AGBL4: variants seen among roughly 807,000 people sequenced by gnomAD.
AGBL4 encodes cytosolic carboxypeptidase 6.
A neutral mutation model predicts 66.4 loss-of-function variants in AGBL4; 58 were observed. The ratio of observed to expected loss-of-function variants is 0.87; its 90% CI spans 0.71 to 1.09. AGBL4 has a LOEUF of 1.09. AGBL4 is among the 50% of genes least tolerant of loss of function. AGBL4 has a pLI of 0.00. For missense variants in AGBL4, 579 were observed against 631.0 expected, an observed-to-expected ratio of 0.92 and a Z score of 0.88; for synonymous variants, 234 against 222.9, an observed-to-expected ratio of 1.05 and a Z score of -0.44.
intron 4 of AGBL4, among the ~76,000 whole-genome samples, chr1:49,233,103 T>C (rs887187618): frequency 2.0e-5 from 3 of 152,168 alleles, no homozygotes; most frequent in Non-Finnish European, 4.4e-5. Flanking sequence ...TGAGCATATC[T>C]CTGATTATTT....
Position 49,785,856 on chromosome 1 carries a change from CA to C in AGBL4, c.157+65539del, listed in dbSNP as rs1327948868. On this transcript the variant is annotated intron_variant, in intron 2 of 13. Transcript: ENST00000371839. ...CAGAATCACCAAAAATCAATATGCA[CA>C]ATTTCAGAGTACATGAGAAATCCCA... Among the ~76,000 whole-genome samples the C allele has an allele frequency of 2.1e-5, 3 of 143,142 alleles. No homozygotes were observed. The Admixed American group carries it at 2.1e-4, about 10-fold the overall frequency. 93.9% of individuals were successfully genotyped at this position (143,142 alleles called of 152,430 possible).
intron 4 of AGBL4, among the ~76,000 whole-genome samples, chr1:49,142,618 A>G (rs1646141116): frequency 6.6e-6 from 1 of 152,154 alleles, no homozygotes; most frequent in African/African-American, 2.4e-5. Flanking sequence ...CTTTTCTCCT[A>G]TGTCTATGTC....
chr1:49,501,979 CA>C (rs556394690), intron 3 of AGBL4, among the ~76,000 whole-genome samples: 189 of 152,260 alleles, frequency 1.2e-3, no homozygotes, highest in African/African-American at 4.4e-3. Context: ...AGATACTTGA[CA>C]TAATTTCAAT....
At chr1:49,067,892 G>T (rs1470759133) in intron 4 of AGBL4, among the ~76,000 whole-genome samples, 1 of 151,696 alleles carries the variant, frequency 6.6e-6, no homozygotes, top group East Asian at 2.0e-4. Context: ...TTCTCGTAAT[G>T]CTATCCCTCC....
chr1:48,972,102 TA>T (rs1318526816), intron 5 of AGBL4, among the ~76,000 whole-genome samples: 1 of 152,134 alleles, frequency 6.6e-6, no homozygotes, highest in Non-Finnish European at 1.5e-5. Context: ...TTCCTCATTT[TA>T]AAATAAACAG....
At chr1:49,546,181 C>A (rs1652466178) in intron 3 of AGBL4, among the ~76,000 whole-genome samples, 1 of 152,156 alleles carries the variant, frequency 6.6e-6, no homozygotes, top group African/African-American at 2.4e-5. Context: ...CCAATCTCAT[C>A]TAACCCAGGT....
intron 4 of AGBL4, among the ~76,000 whole-genome samples, chr1:49,087,866 C>T (rs758215912): frequency 1.3e-5 from 2 of 152,156 alleles, no homozygotes; most frequent in Non-Finnish European, 2.9e-5. Context: ...GAAAGGGAAC[C>T]TCACCAGGCT....
chr1:49,598,987 G>A (rs921773590), intron 3 of AGBL4, among the ~76,000 whole-genome samples: 13 of 152,136 alleles, frequency 8.5e-5, no homozygotes, highest in Non-Finnish European at 1.0e-4. Flanking sequence ...TGGATGTGCC[G>A]CTGGATTTGG....
At chr1:49,848,413 T>G (rs1467965062) in intron 2 of AGBL4, among the ~76,000 whole-genome samples, 2 of 152,200 alleles carry the variant, frequency 1.3e-5, no homozygotes, top group Non-Finnish European at 2.9e-5. Flanking sequence ...AGATGTGGAA[T>G]CAGCCTAAAT....
intron 3 of AGBL4, among the ~76,000 whole-genome samples, chr1:49,524,503 G>A (rs1339793027): frequency 6.6e-6 from 1 of 152,064 alleles, no homozygotes; most frequent in Non-Finnish European, 1.5e-5. Flanking sequence ...TAAAAGCCTG[G>A]TTAAAGATGT....
chr1:48,577,724 A>C (rs1185778126), intron 11 of AGBL4, among the ~76,000 whole-genome samples: 1 of 152,134 alleles, frequency 6.6e-6, no homozygotes, highest in Admixed American at 6.6e-5. Flanking sequence ...AGCATCCAGC[A>C]GAGCTGCAAC....
At chr1:49,224,177 C>T (rs1217625889) in intron 4 of AGBL4, among the ~76,000 whole-genome samples, 3 of 152,106 alleles carry the variant, frequency 2.0e-5, no homozygotes, top group East Asian at 1.9e-4. Flanking sequence ...TGCTTTCTTT[C>T]TCATTGGGAA....
intron 3 of AGBL4, among the ~76,000 whole-genome samples, chr1:49,535,760 C>T (rs562998832): frequency 3.9e-5 from 6 of 152,264 alleles, no homozygotes; most frequent in South Asian, 4.1e-4. Context: ...GGCGCGATCT[C>T]GGCTCACTGC....
chr1:49,949,197 A>T (rs1168862585), intron 1 of AGBL4, among the ~76,000 whole-genome samples: 2 of 151,230 alleles, frequency 1.3e-5, no homozygotes, highest in African/African-American at 4.8e-5. Context: ...ATCATCTCTC[A>T]TCTTATACAA....
chr1:49,443,094 A>C (rs1002636079), intron 3 of AGBL4, among the ~76,000 whole-genome samples: 6 of 152,110 alleles, frequency 3.9e-5, no homozygotes, highest in African/African-American at 1.4e-4. Flanking sequence ...ATGTCTATTC[A>C]CATCCTTTGT....
chr1:48,559,215 GT>G (rs1644362375), intron 11 of AGBL4, among the ~76,000 whole-genome samples: 1 of 152,174 alleles, frequency 6.6e-6, no homozygotes, highest in Admixed American at 6.5e-5. Flanking sequence ...CTTCCACACA[GT>G]ATAATCAGCA....
At position 49,476,400 on chromosome 1, in the gene AGBL4, C is replaced by T. The variant is rs72899984; in HGVS notation, c.282+220913G>A. ...TCTTGAGGTTGTTGGGTGGATTATT[C>T]TGTAGATGTCTATTAGATACAACTG... On this transcript the variant is annotated intron_variant, in intron 3 of 13. Coordinates refer to ENST00000371839, the MANE Select transcript of AGBL4 (RefSeq NM_032785.4). Among the ~76,000 whole-genome samples, 372 of 152,048 alleles carry T rather than the reference C, an allele frequency of 2.4e-3. 2 individuals carry two copies. Among genetic ancestry groups the T allele is most frequent in the African/African-American group, 8.6e-3 (359 of 41,518 alleles).
chr1:48,709,171 C>T (rs971711884), intron 6 of AGBL4, among the ~76,000 whole-genome samples: 3 of 152,192 alleles, frequency 2.0e-5, no homozygotes, highest in Admixed American at 6.5e-5. Flanking sequence ...CAGCTCCAAG[C>T]CTGCTTCACT....
intron 4 of AGBL4, among the ~76,000 whole-genome samples, chr1:49,130,363 G>A (rs1292091972): frequency 6.6e-6 from 1 of 152,272 alleles, no homozygotes; most frequent in East Asian, 1.9e-4. Flanking sequence ...ATTGCTTTTG[G>A]TGTTTTAGAC....
Sources: gnomAD v4.1 joint callset for allele counts (sites outside exome capture counted in the v4.1 genomes callset) on GRCh38, gnomAD v4.1.1 for gene constraint, MANE v1.5 for transcripts, NCBI Gene and HGNC (gene_info 2026-07-23, HGNC 2026-07-21) for gene names.